CALD1: variants seen among roughly 807,000 people sequenced by gnomAD.
CALD1 encodes caldesmon 1, also known as caldesmon.
A neutral mutation model predicts 99.9 loss-of-function variants in CALD1; 33 were observed. The ratio of observed to expected loss-of-function variants is 0.33; its 90% CI spans 0.25 to 0.44. The LOEUF is 0.44. Among genes scored for constraint, CALD1 ranks in the 20% least tolerant of loss-of-function variants. The pLI is 1.00. For synonymous variants in CALD1, 310 were observed against 325.0 expected (o/e 0.95, Z 0.50); for missense variants, 861 against 962.1 (o/e 0.89, Z 1.39).
At chr7:134,711,660 C>CTCTCTCTATATATA in the CALD1 span, among the ~76,000 whole-genome samples, 5 of 78,354 alleles carry the variant, frequency 6.4e-5, no homozygotes, top group African/African-American at 3.1e-4. Context: ...CTCTCTCTCT[C>CTCTCTCTATATATA]TATATATATA....
chr7:134,933,893 C>T lies in CALD1; in HGVS notation c.1124C>T (p.Ala375Val). ...GCAGAGGAGAGGCAAAGGGCCAGGG[C>T]AGAGGAGGAAGAGAAGGCTAAGGTA... is the stretch of plus-strand genomic sequence containing the variant. ...RAAEERQRAR[A>V]EEEEKAKVEE... The change falls in exon 5 of 15, where the codon GCA becomes GTA. Residue 375 changes from alanine (A) to valine (V), a missense_variant. Ala to Val is a moderately conservative substitution (Grantham distance 64, BLOSUM62 0). Around this residue, in one of 5 missense-constraint regions of CALD1, gnomAD observed 293 missense variants for 262.7 expected, o/e 1.12. Coordinates refer to ENST00000361675, the MANE Select transcript of CALD1 (RefSeq NM_033138.4). 6.2e-7 allele frequency: 1 copy of T among 1,612,604 alleles called. No individual in the cohort carries two copies. Among genetic ancestry groups the T allele is most frequent in the Non-Finnish European group, 8.5e-7 (1 of 1,179,556 alleles).
At chr7:134,924,871 G>A (rs1285399872) in intron 3 of CALD1, among the ~76,000 whole-genome samples, 1 of 152,078 alleles carries the variant, frequency 6.6e-6, no homozygotes, top group African/African-American at 2.4e-5. Context: ...GTTCTCACGA[G>A]ATCTGATGGT....
chr7:134,960,509 T>G, intron 12 of CALD1, 24 bp from the exon 13 acceptor site: 1 of 1,411,314 alleles, frequency 7.1e-7, no homozygotes, highest in African/African-American at 1.4e-5. Context: ...TTCTTTAATA[T>G]TTTGGATGAT....
At chr7:134,754,395 A>G (rs1796710483) in intron 1 of CALD1, among the ~76,000 whole-genome samples, 1 of 152,214 alleles carries the variant, frequency 6.6e-6, no homozygotes, top group African/African-American at 2.4e-5. Flanking sequence ...ACTTTTTAAT[A>G]CCACCCTTGT....
At chr7:134,928,612 A>G in intron 3 of CALD1, 142 bp from the exon 4 acceptor site, 1 of 651,092 alleles carries the variant, frequency 1.5e-6, no homozygotes, top group Non-Finnish European at 2.4e-6. Context: ...GCTAAACTTA[A>G]GGAACTGAAC....
At chr7:134,880,691 T>C (rs1801558585) in intron 3 of CALD1, among the ~76,000 whole-genome samples, 1 of 152,122 alleles carries the variant, frequency 6.6e-6, no homozygotes, top group Non-Finnish European at 1.5e-5. Flanking sequence ...ATGAAGAAGA[T>C]GAGAAAGGAC....
At chr7:134,946,209 ATGATATCATAC>A (rs764550628) in intron 7 of CALD1, among the ~76,000 whole-genome samples, 27 of 152,158 alleles carry the variant, frequency 1.8e-4, no homozygotes, top group Non-Finnish European at 3.4e-4. Context: ...TGATATCAGT[ATGATATCATAC>A]TGATATAATA....
chr7:134,872,288 G>A (rs1227982859), intron 3 of CALD1, among the ~76,000 whole-genome samples: 1 of 148,978 alleles, frequency 6.7e-6, no homozygotes, highest in African/African-American at 2.5e-5. Context: ...AACCTGGGAG[G>A]CAGAGGGTGC....
Position 134,910,671 on chromosome 7 carries a change from G to A in CALD1, c.72-18083G>A, listed in dbSNP as rs73151959. On this transcript the variant is annotated intron_variant, in intron 3 of 14. Coordinates refer to ENST00000361675, the MANE Select transcript of CALD1 (RefSeq NM_033138.4). ...CACACGTACACACACACACACACAC[G>A]CTCTTGAAGCAGGCCAAAGTCCACA... 4.0e-3 allele frequency among the ~76,000 whole-genome samples: 613 copies of A among 151,630 alleles called. 2 individuals are homozygous for A. The Middle Eastern group carries it at 0.041, about 10-fold the overall frequency.
At chr7:134,926,392 C>T in intron 3 of CALD1, among the ~76,000 whole-genome samples, 1 of 152,026 alleles carries the variant, frequency 6.6e-6, no homozygotes. Flanking sequence ...TATCACATTG[C>T]CCCCCCATAT....
intron 2 of CALD1, among the ~76,000 whole-genome samples, chr7:134,847,000 G>A (rs1441939968): frequency 6.6e-6 from 1 of 152,200 alleles, no homozygotes; most frequent in Non-Finnish European, 1.5e-5. Context: ...AATGAATGAT[G>A]GCCAGTGGCC....
At chr7:134,831,646 TA>T (rs1799226717) in intron 1 of CALD1, among the ~76,000 whole-genome samples, 1 of 152,158 alleles carries the variant, frequency 6.6e-6, no homozygotes. Flanking sequence ...TTTTCTATAA[TA>T]AAATGCATAT....
rs139648089 is a variant in CALD1 at position 134,781,442 on chromosome 7, A to AT, written c.-130+1700dup. Among the ~76,000 whole-genome samples the AT allele has an allele frequency of 5.6e-3, 845 of 151,850 alleles. 5 individuals carry two copies. Among genetic ancestry groups the AT allele is most frequent in the Middle Eastern group, 0.017 (5 of 294 alleles). ...ACCCCCAACAACCATAAAAACACTC[A>AT]TTTTTTTCCAAGTAACACTTTAGGT... On this transcript the variant is annotated intron_variant, in intron 1 of 14. Transcript: ENST00000361675.
rs574244691 is a variant in CALD1 at position 134,814,752 on chromosome 7, G to A, written c.-129-29132G>A. 1.6e-4 allele frequency among the ~76,000 whole-genome samples: 25 copies of A among 152,258 alleles called. No individual in the cohort carries two copies. The South Asian group carries it at 4.8e-3, about 29-fold the overall frequency. On this transcript the variant is annotated intron_variant, in intron 1 of 14. Transcript: ENST00000361675. ...AAAGAGTGAAGGCACACCCCTGTTG[G>A]AAAAGAAGCAACAGTCTCTCTATGA...
At chr7:134,741,682 A>G (rs1796593040), upstream of CALD1, among the ~76,000 whole-genome samples, 1 of 152,192 alleles carries the variant, frequency 6.6e-6, no homozygotes, top group Non-Finnish European at 1.5e-5. Context: ...CACCAATGCT[A>G]GTAGTCACAT....
At chr7:134,914,620 C>T (rs1207946267) in intron 3 of CALD1, among the ~76,000 whole-genome samples, 1 of 152,198 alleles carries the variant, frequency 6.6e-6, no homozygotes, top group Non-Finnish European at 1.5e-5. Context: ...CACTAATGCC[C>T]TTCATGCCTT....
chr7:134,868,708 A>T (rs1196817196), intron 3 of CALD1, among the ~76,000 whole-genome samples: 1 of 152,336 alleles, frequency 6.6e-6, no homozygotes, highest in Non-Finnish European at 1.5e-5. Flanking sequence ...CAAAAGCAAA[A>T]GATAAAATAA....
Position 134,820,276 on chromosome 7 carries a change from A to G in CALD1, c.-129-23608A>G, listed in dbSNP as rs533063403. On this transcript the variant is annotated intron_variant, in intron 1 of 14. Transcript: ENST00000361675. ...ATAGATGGACAATGACCTAAAAGCT[A>G]TGCTTAAAATTGCCCCTGGAGACAT... Among the ~76,000 whole-genome samples the G allele has an allele frequency of 2.6e-5, 4 of 152,326 alleles. No homozygotes were observed. In the South Asian group the frequency reaches 8.3e-4, roughly 32 times the overall value.
chr7:134,945,698 A>G (rs1005356581), intron 7 of CALD1, among the ~76,000 whole-genome samples: 1 of 152,230 alleles, frequency 6.6e-6, no homozygotes, highest in Non-Finnish European at 1.5e-5. Context: ...TAACCACATC[A>G]TACCAAGCTA....
Sources: allele counts gnomAD v4.1 joint callset (sites outside exome capture counted in the v4.1 genomes callset), GRCh38; gene constraint gnomAD v4.1.1; regional missense constraint gnomAD v4.1.1; transcripts MANE v1.5; gene names NCBI Gene and HGNC (gene_info 2026-07-23, HGNC 2026-07-21).